The following SYT14 variants were observed in gnomAD, a reference collection of about 807,000 sequenced individuals.
The protein encoded by SYT14 is synaptotagmin-14.
Under a neutral mutation model 74.2 loss-of-function variants are expected in SYT14, and 32 were observed. That is an observed-to-expected ratio of 0.43 (90% CI 0.33 to 0.58). The LOEUF is 0.58. Ranked by LOEUF, SYT14 falls within the 20% of genes least tolerant of loss-of-function variation. The pLI is 0.05. For synonymous variants in SYT14, 298 were observed against 337.7 expected (o/e 0.88, Z 1.29); for missense variants, 791 against 981.8 (o/e 0.81, Z 2.60).
chr1:210,021,758 A>T (rs151227284), intron 5 of SYT14, among the ~76,000 whole-genome samples: 174 of 152,288 alleles, frequency 1.1e-3, no homozygotes, highest in African/African-American at 4.0e-3. Context: ...TCTGAGATGA[A>T]TTTATTGAGA....
exon 10 of SYT14, chr1:210,169,221 GTTTTTTTT>G (rs35974726): frequency 1.8e-4 from 9 of 50,248 alleles, no homozygotes; most frequent in African/African-American, 4.7e-4. Context: ...TGTTTTTGGT[GTTTTTTTT>G]TTTTTTTTTT....
At chr1:210,030,406 A>G (rs1023464330) in intron 5 of SYT14, among the ~76,000 whole-genome samples, 4 of 152,092 alleles carry the variant, frequency 2.6e-5, no homozygotes, top group African/African-American at 7.2e-5. Flanking sequence ...TGCCTGCCTC[A>G]GCTGCCCAAA....
exon 10 of SYT14, chr1:210,165,194 C>G (rs920357010): frequency 2.6e-5 from 4 of 151,936 alleles, no homozygotes; most frequent in Non-Finnish European, 4.4e-5. Flanking sequence ...ACTCTAAAAC[C>G]CATGCTATGC....
At chr1:209,993,567 G>A (rs2079732341) in intron 2 of SYT14, among the ~76,000 whole-genome samples, 1 of 152,210 alleles carries the variant, frequency 6.6e-6, no homozygotes, top group Non-Finnish European at 1.5e-5. Context: ...CTGGACCAGG[G>A]TGGGAACCAG....
At chr1:210,021,152 G>A (rs1340426868) in exon 5 of SYT14, 1 of 1,614,006 alleles carries the variant, frequency 6.2e-7, no homozygotes, top group Non-Finnish European at 8.5e-7. Flanking sequence ...ACTACCACTG[G>A]CAGATTCTAG....
chr1:209,979,094 G>A (rs2079429490), intron 2 of SYT14, among the ~76,000 whole-genome samples: 1 of 152,174 alleles, frequency 6.6e-6, no homozygotes. Context: ...TTTTCCGGGT[G>A]CCGTCTGTCA....
intron 5 of SYT14, among the ~76,000 whole-genome samples, chr1:210,067,283 C>G (rs887889388): frequency 1.3e-5 from 2 of 151,906 alleles, no homozygotes; most frequent in African/African-American, 4.8e-5. Flanking sequence ...TTCTGGTTAT[C>G]CTTGCAATTC....
In SYT14 at chr1:210,125,703, GTTTTCCTTCA is replaced by G. The variant is rs373614935; in HGVS notation, c.2034+25243_2034+25252del. ...TTCTTAAAATACCCAAAGTGATTTC[GTTTTCCTTCA>G]CTGATTCCTGACTGATGTAGTTCAC... On this transcript the variant is annotated intron_variant, in intron 7 of 9. Transcript: ENST00000637265. Among the ~76,000 whole-genome samples the G allele has an allele frequency of 2.6e-3, 391 of 152,140 alleles. 2 individuals carry two copies. The highest frequency in any genetic ancestry group is 8.6e-3 in the African/African-American group (357 of 41,498).
intron 7 of SYT14, among the ~76,000 whole-genome samples, chr1:210,130,438 T>C (rs2082650915): frequency 6.6e-6 from 1 of 152,190 alleles, no homozygotes; most frequent in African/African-American, 2.4e-5. Context: ...TTGGATTCAG[T>C]TTATTTAAAC....
intron 5 of SYT14, among the ~76,000 whole-genome samples, chr1:210,069,116 G>C (rs779652927): frequency 4.6e-5 from 7 of 151,772 alleles, no homozygotes; most frequent in Non-Finnish European, 1.0e-4. Context: ...TAAGTGTGTT[G>C]TGATCAGCTA....
chr1:209,980,513 G>T (rs2102796121), intron 2 of SYT14, among the ~76,000 whole-genome samples: 1 of 152,258 alleles, frequency 6.6e-6, no homozygotes, highest in South Asian at 2.1e-4. Context: ...TTGTCATGAA[G>T]TCTTTGCCGG....
At chr1:209,985,647 A>G (rs1213619458) in intron 2 of SYT14, among the ~76,000 whole-genome samples, 1 of 151,982 alleles carries the variant, frequency 6.6e-6, no homozygotes, top group Admixed American at 6.5e-5. Context: ...CCATCCTCAC[A>G]TTTTCCCTCT....
At chr1:210,059,976 G>A (rs2081178852) in intron 5 of SYT14, among the ~76,000 whole-genome samples, 1 of 152,138 alleles carries the variant, frequency 6.6e-6, no homozygotes, top group African/African-American at 2.4e-5. Flanking sequence ...TGAAGGATAT[G>A]GGTGCCATCT....
chr1:210,110,605 G>C (rs1183309678), intron 7 of SYT14, among the ~76,000 whole-genome samples: 3 of 152,158 alleles, frequency 2.0e-5, no homozygotes, highest in Non-Finnish European at 2.9e-5. Context: ...TTCTAGAAGA[G>C]TTTATCGTAG....
intron 7 of SYT14, among the ~76,000 whole-genome samples, chr1:210,138,374 C>G (rs542945078): frequency 1.3e-5 from 2 of 152,282 alleles, no homozygotes; most frequent in South Asian, 4.1e-4. Flanking sequence ...CCAGTTCCCT[C>G]CCATGACATG....
Position 210,081,178 on chromosome 1 carries a change from T to C in SYT14, c.1313-13144T>C, listed in dbSNP as rs913688405. On this transcript the variant is annotated intron_variant, in intron 5 of 9. Transcript: ENST00000637265. ...GCTGGATGTCTGAGACTTTTCTTAG[T>C]GCATGCTAAAAAACATTTAGGATAT... is the stretch of plus-strand genomic sequence containing the variant. Among the ~76,000 whole-genome samples, 5 of 152,178 alleles carry C rather than the reference T, an allele frequency of 3.3e-5. No individual in the cohort carries two copies. The South Asian group carries it at 8.3e-4, about 25-fold the overall frequency.
chr1:210,048,976 C>T (rs1184282019), intron 5 of SYT14, among the ~76,000 whole-genome samples: 2 of 152,212 alleles, frequency 1.3e-5, no homozygotes, highest in African/African-American at 4.8e-5. Flanking sequence ...CTTAAAGCTC[C>T]GAAATTATCT....
chr1:210,027,053 C>T (rs1428292437), intron 5 of SYT14, among the ~76,000 whole-genome samples: 1 of 152,072 alleles, frequency 6.6e-6, no homozygotes, highest in Non-Finnish European at 1.5e-5. Flanking sequence ...TTTTGATTCA[C>T]CAGAAACTTA....
chr1:210,016,703 T>A (rs1265902395), exon 4 of SYT14: 12 of 1,231,730 alleles, frequency 9.7e-6, no homozygotes, highest in Non-Finnish European at 4.0e-6. Context: ...TCGACATGTA[T>A]ATTTGGGAAG....
Sources: gnomAD v4.1 joint callset for allele counts (sites outside exome capture counted in the v4.1 genomes callset) on GRCh38, gnomAD v4.1.1 for gene constraint, MANE v1.5 for transcripts, NCBI Gene and HGNC (gene_info 2026-07-23, HGNC 2026-07-21) for gene names.